Variants in BIRC2 observed in about 807,000 individuals in gnomAD.
BIRC2 encodes the protein baculoviral IAP repeat containing 2.
Under a neutral mutation model 60.9 loss-of-function variants are expected in BIRC2, and 18 were observed. The ratio of observed to expected loss-of-function variants is 0.30; its 90% confidence interval spans 0.20 to 0.44. The LOEUF is 0.44. Among genes scored for constraint, BIRC2 ranks in the 20% least tolerant of loss-of-function variants. The pLI, the probability that BIRC2 is intolerant of heterozygous loss-of-function variation, is 1.00. For missense variants in BIRC2, 701 were observed against 728.5 expected (o/e 0.96, Z 0.43); for synonymous variants, 282 against 247.7 (o/e 1.14, Z -1.30).
At chr11:102,358,018 A>G (rs1951443173) in intron 3 of BIRC2, among the ~76,000 whole-genome samples, 1 of 152,032 alleles carries the variant, frequency 6.6e-6, no homozygotes, top group African/African-American at 2.4e-5. Flanking sequence ...TATTTTGTTC[A>G]ATTTCCACAT....
chr11:102,348,062 G>A (rs940102150), intron 1 of BIRC2, among the ~76,000 whole-genome samples: 3 of 152,210 alleles, frequency 2.0e-5, no homozygotes, highest in Non-Finnish European at 4.4e-5. Flanking sequence ...TTTTCGAGTT[G>A]CTTTCTGTGG....
At chr11:102,374,959 C>G (rs1478934524) in intron 6 of BIRC2, among the ~76,000 whole-genome samples, 1 of 152,226 alleles carries the variant, frequency 6.6e-6, no homozygotes, top group Non-Finnish European at 1.5e-5. Flanking sequence ...CTTTCTTTGA[C>G]TCGGAAAGGG....
intron 6 of BIRC2, 90 bp from the exon 7 acceptor site, chr11:102,377,406 A>G: frequency 1.7e-6 from 2 of 1,194,020 alleles, no homozygotes; most frequent in Non-Finnish European, 2.3e-6. Context: ...TAGTGCCTAA[A>G]TTGTTTGTAG....
At chr11:102,363,763 AT>A in intron 5 of BIRC2, 47 bp downstream of exon 5, 1 of 1,501,154 alleles carries the variant, frequency 6.7e-7, no homozygotes. Context: ...TTTTATAAGA[AT>A]TTTAGGAATA....
intron 5 of BIRC2, among the ~76,000 whole-genome samples, chr11:102,366,524 G>A (rs372677028): frequency 6.6e-6 from 1 of 151,788 alleles, no homozygotes; most frequent in South Asian, 2.1e-4. Flanking sequence ...CCACCACCAC[G>A]CCCGGCTAAT....
At chr11:102,376,358 G>A (rs557156581) in intron 6 of BIRC2, among the ~76,000 whole-genome samples, 32 of 152,264 alleles carry the variant, frequency 2.1e-4, no homozygotes, top group African/African-American at 7.7e-4. Flanking sequence ...AGAACAAATT[G>A]GTTAGCAGTG....
Position 102,368,289 on chromosome 11 carries a change from T to C in BIRC2, c.1124-17T>C, listed in dbSNP as rs1951576502. ...ATGTTTGTGGAATTTAATATTAGCA[T>C]GTTTCTTTTCAAATAGTTATTCATT... On this transcript the variant is annotated splice_polypyrimidine_tract_variant and intron_variant, in intron 5 of 8. Transcript: ENST00000227758. 1.2e-6 allele frequency: 2 copies of C among 1,604,784 alleles called. No homozygotes were observed. Among genetic ancestry groups the C allele is most frequent in the Non-Finnish European group, 1.7e-6 (2 of 1,175,218 alleles).
intron 3 of BIRC2, among the ~76,000 whole-genome samples, chr11:102,351,414 A>C (rs1277258937): frequency 6.6e-6 from 1 of 152,138 alleles, no homozygotes; most frequent in Non-Finnish European, 1.5e-5. Flanking sequence ...CAGGAGTTTG[A>C]GACCAGCCTG....
In BIRC2 at chr11:102,350,838, C is replaced by T. The variant is rs2135803339; in HGVS notation, c.896-6C>T. On this transcript the variant is annotated splice_region_variant and splice_polypyrimidine_tract_variant and intron_variant, in intron 2 of 8. Coordinates refer to ENST00000227758, the MANE Select transcript of BIRC2 (RefSeq NM_001166.5). ...TTTTCAATATTTAGTCTTTTTTTTC[C>T]TGAAGGTCGCAATGATGATGTCAAA... The T allele has an allele frequency of 6.2e-7, 1 of 1,606,916 alleles. No individual in the cohort carries two copies. The highest frequency in any genetic ancestry group is 2.2e-5 in the East Asian group (1 of 44,834).
intron 3 of BIRC2, among the ~76,000 whole-genome samples, chr11:102,360,774 TG>T (rs1284207929): frequency 1.3e-5 from 2 of 149,888 alleles, no homozygotes; most frequent in African/African-American, 4.9e-5. Context: ...CAGATTAGTG[TG>T]TTTTTTTTGT....
chr11:102,362,145 A>C (rs1951491565), intron 3 of BIRC2, among the ~76,000 whole-genome samples: 1 of 152,188 alleles, frequency 6.6e-6, no homozygotes, highest in East Asian at 1.9e-4. Flanking sequence ...GTAAAGACAA[A>C]TAAAGACAAG....
intron 6 of BIRC2, among the ~76,000 whole-genome samples, chr11:102,376,376 T>C (rs1042612525): frequency 1.3e-5 from 2 of 152,174 alleles, no homozygotes; most frequent in Non-Finnish European, 2.9e-5. Flanking sequence ...GTGAGAGGAA[T>C]TATTTAGGTA....
rs1367234094 is a variant in BIRC2, at chr11:102,369,616, A to G, written c.1366+1068A>G. On this transcript the variant is annotated intron_variant, in intron 6 of 8. Transcript: ENST00000227758. ...TCTTTGCTATTGTGAATAATGCCGC[A>G]ATAAACATACGTGTGCATGTGTCTT... Among the ~76,000 whole-genome samples the G allele has an allele frequency of 5.5e-5, 8 of 144,966 alleles. No individual in the cohort carries two copies. In the Admixed American group the frequency reaches 5.5e-4, roughly 10 times the overall value.
At chr11:102,357,319 C>T (rs1182480409) in intron 3 of BIRC2, among the ~76,000 whole-genome samples, 14 of 151,122 alleles carry the variant, frequency 9.3e-5, no homozygotes, top group Admixed American at 9.3e-4. Flanking sequence ...CTTTCTTCTT[C>T]CTCCTTCTTT....
In BIRC2 at chr11:102,377,413, G is replaced by A. The variant is rs974723949; in HGVS notation, c.1367-83G>A. ...ACTTTATTTAGTGCCTAAATTGTTT[G>A]TAGGGTTGGTTATTAGTGACTATAT... is the stretch of plus-strand genomic sequence containing the variant. On this transcript the variant is annotated intron_variant, in intron 6 of 8. Coordinates refer to ENST00000227758, the MANE Select transcript of BIRC2 (RefSeq NM_001166.5). The A allele has an allele frequency of 7.3e-6, 9 of 1,232,986 alleles. No homozygotes were observed. In the African/African-American group the frequency reaches 1.1e-4, roughly 15 times the overall value. The allele number at this position is 1,232,986 out of a possible 1,614,324, so 76.4% of individuals were successfully genotyped here. A position where few individuals can be genotyped will look rare whatever the true frequency, so the allele number is the denominator to read the frequency against.
chr11:102,354,944 G>GTTTTTTTTTTTTT (rs61520984), intron 3 of BIRC2, among the ~76,000 whole-genome samples: 6 of 89,652 alleles, frequency 6.7e-5, no homozygotes, highest in African/African-American at 1.3e-4. Context: ...AATTATTTGG[G>GTTTTTTTTTTTTT]TTTTTTTTTT....
chr11:102,363,843 G>C (rs1951513588), intron 5 of BIRC2, 127 bp downstream of exon 5: 1 of 615,440 alleles, frequency 1.6e-6, no homozygotes, highest in Non-Finnish European at 2.7e-6. Flanking sequence ...GATCACCTGA[G>C]GTCAGGAGTT....
At chr11:102,368,616 A>G in intron 6 of BIRC2, 68 bp downstream of exon 6, 4 of 1,553,810 alleles carry the variant, frequency 2.6e-6, no homozygotes, top group Non-Finnish European at 3.5e-6. Context: ...CACATGTTAC[A>G]GGACACCATG....
At chr11:102,363,071 G>C in intron 4 of BIRC2, 97 bp downstream of exon 4, 1 of 898,792 alleles carries the variant, frequency 1.1e-6, no homozygotes, top group Non-Finnish European at 1.7e-6. Flanking sequence ...TTTTGCCATT[G>C]AAAGTCATGG....
Sources: gnomAD v4.1 joint callset for allele counts (sites outside exome capture counted in the v4.1 genomes callset) on GRCh38, gnomAD v4.1.1 for gene constraint, MANE v1.5 for transcripts, NCBI Gene and HGNC (gene_info 2026-07-23, HGNC 2026-07-21) for gene names.